MPP7: variants seen among roughly 807,000 people sequenced by gnomAD.
MPP7 encodes the protein MAGUK p55 scaffold protein 7, also known as MAGUK p55 subfamily member 7.
MPP7 carries 60 observed loss-of-function variants against 76.5 expected under a neutral mutation model. That is an observed-to-expected ratio of 0.78 (90% CI 0.64 to 0.97). The LOEUF is 0.97. Ranked by LOEUF, MPP7 falls within the 50% of genes least tolerant of loss-of-function variation. MPP7 has a pLI of 0.00. For missense variants in MPP7, 641 were observed against 694.0 expected, an observed-to-expected ratio of 0.92 and a Z score of 0.86; for synonymous variants, 237 against 244.5, an observed-to-expected ratio of 0.97 and a Z score of 0.29.
intron 5 of MPP7, 119 bp from the exon 6 acceptor site, chr10:28,131,810 T>C: frequency 2.6e-6 from 1 of 388,738 alleles, no homozygotes; most frequent in Non-Finnish European, 3.7e-6. Flanking sequence ...TGTTACGGTT[T>C]TGACATAGTA....
chr10:28,069,620 A>C (rs2763319), intron 13 of MPP7, 152 bp downstream of exon 13: 232,789 of 346,624 alleles, frequency 0.67, 79,550 homozygotes, highest in Non-Finnish European at 0.73. Context: ...CAAAACAAAC[A>C]AAAAAAAAAC....
At chr10:28,173,957 T>C (rs1438222283) in intron 3 of MPP7, among the ~76,000 whole-genome samples, 3 of 152,154 alleles carry the variant, frequency 2.0e-5, no homozygotes, top group Non-Finnish European at 2.9e-5. Flanking sequence ...ACTGTGGTAC[T>C]GACATAGCGA....
intron 11 of MPP7, among the ~76,000 whole-genome samples, chr10:28,115,278 T>C (rs1834631878): frequency 6.6e-6 from 1 of 152,150 alleles, no homozygotes; most frequent in African/African-American, 2.4e-5. Flanking sequence ...AATTTTTTTG[T>C]ATTTTTAGTA....
intron 3 of MPP7, among the ~76,000 whole-genome samples, chr10:28,166,520 G>A (rs1189521962): frequency 6.8e-6 from 1 of 146,422 alleles, no homozygotes; most frequent in South Asian, 2.1e-4. Context: ...TGATTCTCCT[G>A]CCTCAGCCTG....
In MPP7 at chr10:28,124,920, CA is replaced by C. The variant is rs1480399138; in HGVS notation, c.529+89del. On this transcript the variant is annotated intron_variant, in intron 7 of 16. Coordinates refer to ENST00000683449, the MANE Select transcript of MPP7 (RefSeq NM_001318170.2). ...ATTACTTGTTCTGCTGTATTAGATCCAAAGATGGTTATCCTCTTAGTTATCT... is the reference window on the plus strand; with the variant it reads ...ATTACTTGTTCTGCTGTATTAGATCCAAGATGGTTATCCTCTTAGTTATCT... 4 of 1,057,050 alleles carry C rather than the reference CA, an allele frequency of 3.8e-6. No individual in the cohort carries two copies. The African/African-American group carries it at 4.7e-5, about 12-fold the overall frequency. The allele number at this position is 1,057,050 out of a possible 1,614,324, so 65.5% of individuals were successfully genotyped here.
At chr10:28,137,977 C>T (rs917771511) in intron 5 of MPP7, among the ~76,000 whole-genome samples, 2 of 152,200 alleles carry the variant, frequency 1.3e-5, no homozygotes, top group Non-Finnish European at 2.9e-5. Context: ...ATTTATCCCT[C>T]CAGAAGGAGC....
chr10:28,183,984 C>T (rs1051823167), intron 3 of MPP7, among the ~76,000 whole-genome samples: 2 of 152,002 alleles, frequency 1.3e-5, no homozygotes, highest in African/African-American at 4.8e-5. Context: ...AAGCACATTT[C>T]ATCTATCAAT....
At chr10:28,108,086 A>T (rs926896382) in intron 11 of MPP7, among the ~76,000 whole-genome samples, 2 of 152,216 alleles carry the variant, frequency 1.3e-5, no homozygotes, top group Non-Finnish European at 2.9e-5. Context: ...CAATTGTAAA[A>T]GACACAGTAC....
chr10:28,077,938 C>T (rs1460716970), intron 12 of MPP7, among the ~76,000 whole-genome samples: 1 of 152,166 alleles, frequency 6.6e-6, no homozygotes, highest in African/African-American at 2.4e-5. Flanking sequence ...TACACTGTTA[C>T]TCATCCTCAG....
chr10:28,123,920 C>A, intron 8 of MPP7, 111 bp downstream of exon 8: 2 of 723,678 alleles, frequency 2.8e-6, no homozygotes, highest in South Asian at 1.6e-5. Flanking sequence ...AGTGTTCGAA[C>A]CCTGCACTGC....
At chr10:28,323,442 G>A (rs1358723608) in intron 2 of MPP7, among the ~76,000 whole-genome samples, 1 of 145,436 alleles carries the variant, frequency 6.9e-6, no homozygotes, top group African/African-American at 2.6e-5. Flanking sequence ...AGCAGAGTGA[G>A]ACTCTATCTA....
intron 2 of MPP7, among the ~76,000 whole-genome samples, chr10:28,320,781 A>T (rs1028375245): frequency 6.6e-6 from 1 of 150,982 alleles, no homozygotes; most frequent in South Asian, 2.1e-4. Flanking sequence ...TCAAGCCTAC[A>T]TCTCCTATTT....
At chr10:28,074,233 T>G (rs1218103970) in intron 12 of MPP7, among the ~76,000 whole-genome samples, 4 of 152,072 alleles carry the variant, frequency 2.6e-5, no homozygotes, top group Non-Finnish European at 4.4e-5. Context: ...CATGGAAATG[T>G]TTTCAAAGTC....
At chr10:28,268,672 T>C (rs547272250) in intron 1 of MPP7, among the ~76,000 whole-genome samples, 10 of 151,820 alleles carry the variant, frequency 6.6e-5, no homozygotes, top group Non-Finnish European at 1.2e-4. Context: ...GCAGAGAAGA[T>C]TGCAGTGAGC....
chr10:28,239,722 T>C (rs1202925689), intron 1 of MPP7, among the ~76,000 whole-genome samples: 1 of 152,200 alleles, frequency 6.6e-6, no homozygotes, highest in Non-Finnish European at 1.5e-5. Context: ...AAATAAGCAG[T>C]AAAGGCAGTA....
intron 11 of MPP7, among the ~76,000 whole-genome samples, chr10:28,107,394 T>C (rs1177190369): frequency 6.6e-6 from 1 of 152,178 alleles, no homozygotes; most frequent in Non-Finnish European, 1.5e-5. Context: ...TACTGTCTGA[T>C]TGACTGAATA....
At chr10:28,163,173 C>CT (rs1304234005) in intron 3 of MPP7, among the ~76,000 whole-genome samples, 5 of 152,164 alleles carry the variant, frequency 3.3e-5, no homozygotes, top group African/African-American at 1.2e-4. Context: ...TCTGGTCTCT[C>CT]TTTCCTGTCT....
chr10:28,096,183 C>A (rs919879863), intron 11 of MPP7, among the ~76,000 whole-genome samples: 1 of 152,194 alleles, frequency 6.6e-6, no homozygotes, highest in African/African-American at 2.4e-5. Flanking sequence ...TATCCCATGT[C>A]ACTGATGACT....
At chr10:28,240,342 T>TA (rs1839226630) in intron 1 of MPP7, among the ~76,000 whole-genome samples, 1 of 152,164 alleles carries the variant, frequency 6.6e-6, no homozygotes, top group African/African-American at 2.4e-5. Context: ...AATTTTACTT[T>TA]AAAAAATCCA....
Sources: gnomAD v4.1 joint callset for allele counts (sites outside exome capture counted in the v4.1 genomes callset) on GRCh38, gnomAD v4.1.1 for gene constraint, MANE v1.5 for transcripts, NCBI Gene and HGNC (gene_info 2026-07-23, HGNC 2026-07-21) for gene names.